TBC1D12: variants seen among roughly 807,000 people sequenced by gnomAD.
TBC1D12 encodes the protein TBC1 domain family member 12.
Under a neutral mutation model 86.7 loss-of-function variants are expected in TBC1D12, and 56 were observed. That is an observed-to-expected ratio of 0.65 (90% CI 0.52 to 0.81). TBC1D12 has a LOEUF of 0.81. TBC1D12 is among the 30% of genes least tolerant of loss of function. TBC1D12 has a pLI of 0.00. For missense variants in TBC1D12, 1,023 were observed against 1,038.8 expected, an observed-to-expected ratio of 0.98 and a Z score of 0.21; for synonymous variants, 421 against 411.7, an observed-to-expected ratio of 1.02 and a Z score of -0.27.
intron 3 of TBC1D12, among the ~76,000 whole-genome samples, chr10:94,477,057 CAG>C (rs761056863): frequency 5.9e-5 from 9 of 152,134 alleles, no homozygotes; most frequent in Non-Finnish European, 1.3e-4. Context: ...GAAAAGAACT[CAG>C]TGTACAAAAA....
At chr10:94,434,849 T>A (rs894703364) in intron 1 of TBC1D12, among the ~76,000 whole-genome samples, 1 of 152,174 alleles carries the variant, frequency 6.6e-6, no homozygotes, top group African/African-American at 2.4e-5. Context: ...CGAGCTCTTT[T>A]TATTTTGTCA....
chr10:94,496,863 T>G (rs1222997096), intron 4 of TBC1D12, among the ~76,000 whole-genome samples, 192 bp from the exon 5 acceptor site: 1 of 152,226 alleles, frequency 6.6e-6, no homozygotes, highest in Admixed American at 6.5e-5. Flanking sequence ...TAGAAAATTA[T>G]GTTAATCAAG....
At chr10:94,493,833 G>A (rs570132588) in intron 4 of TBC1D12, among the ~76,000 whole-genome samples, 1 of 152,074 alleles carries the variant, frequency 6.6e-6, no homozygotes, top group Non-Finnish European at 1.5e-5. Context: ...GACATACCAG[G>A]ATCATAGTTT....
At chr10:94,422,105 T>C (rs1474117012) in intron 1 of TBC1D12, among the ~76,000 whole-genome samples, 1 of 152,124 alleles carries the variant, frequency 6.6e-6, no homozygotes, top group Non-Finnish European at 1.5e-5. Flanking sequence ...GATGTGTATT[T>C]AGCTATCTGT....
chr10:94,532,195 T>G lies in TBC1D12; in HGVS notation c.2259+735T>G, dbSNP rs1589683778. 7.9e-5 allele frequency among the ~76,000 whole-genome samples: 12 copies of G among 151,910 alleles called. 3 individuals carry two copies. Among genetic ancestry groups the G allele is most frequent in the Admixed American group, 7.9e-4 (12 of 15,226 alleles). ...GCGCCTGGCCTATTTTATTTTATTTTGAGACGGAGTCTCACTCTGTCGCCC... is the reference window on the plus strand; with the variant it reads ...GCGCCTGGCCTATTTTATTTTATTTGGAGACGGAGTCTCACTCTGTCGCCC... On this transcript the variant is annotated intron_variant, in intron 12 of 12. Coordinates refer to ENST00000225235, the MANE Select transcript of TBC1D12 (RefSeq NM_015188.2).
intron 1 of TBC1D12, among the ~76,000 whole-genome samples, chr10:94,435,617 T>A (rs2055283039): frequency 6.6e-6 from 1 of 152,236 alleles, no homozygotes; most frequent in African/African-American, 2.4e-5. Flanking sequence ...TTTATGTGTG[T>A]TGGAATTTAT....
chr10:94,430,599 TG>T (rs1312450676), intron 1 of TBC1D12, among the ~76,000 whole-genome samples: 1 of 152,196 alleles, frequency 6.6e-6, no homozygotes. Flanking sequence ...TAGCTTTTTT[TG>T]TGTGTGATAA....
chr10:94,524,924 C>G (rs990668745), intron 11 of TBC1D12, among the ~76,000 whole-genome samples: 1 of 151,908 alleles, frequency 6.6e-6, no homozygotes, highest in Non-Finnish European at 1.5e-5. Flanking sequence ...CTCCTGGGCT[C>G]AAGCATTCCT....
chr10:94,484,365 A>G (rs1564970586), intron 3 of TBC1D12, among the ~76,000 whole-genome samples: 3 of 151,120 alleles, frequency 2.0e-5, no homozygotes, highest in Non-Finnish European at 4.4e-5. Context: ...CTCCTGCCTC[A>G]GCCTCCCAGC....
intron 1 of TBC1D12, among the ~76,000 whole-genome samples, chr10:94,437,345 A>G (rs1204218973): frequency 6.7e-6 from 1 of 149,140 alleles, no homozygotes; most frequent in Admixed American, 6.6e-5. Context: ...TTTTTTTTTG[A>G]GACAGAGTCT....
Position 94,498,829 on chromosome 10 carries a change from C to T in TBC1D12, c.1413-1392C>T, listed in dbSNP as rs543579244. 7.3e-5 allele frequency among the ~76,000 whole-genome samples: 11 copies of T among 151,074 alleles called. No individual in the cohort carries two copies. The South Asian group carries it at 2.1e-3, about 29-fold the overall frequency. Reference sequence around the variant, plus strand: ...TGTTGCCCAGGCTGGGGTGTAGTGGCGAGATCAAGGCTCACCGCAACCCCG... The same window carrying T: ...TGTTGCCCAGGCTGGGGTGTAGTGGTGAGATCAAGGCTCACCGCAACCCCG... On this transcript the variant is annotated intron_variant, in intron 5 of 12. Coordinates refer to ENST00000225235, the MANE Select transcript of TBC1D12 (RefSeq NM_015188.2).
At chr10:94,449,234 G>T (rs962896232) in intron 2 of TBC1D12, among the ~76,000 whole-genome samples, 9 of 152,102 alleles carry the variant, frequency 5.9e-5, no homozygotes, top group Admixed American at 1.3e-4. Flanking sequence ...TATATTAAAA[G>T]TTGTATTCAT....
chr10:94,498,523 A>G (rs1278002324), intron 5 of TBC1D12, among the ~76,000 whole-genome samples: 1 of 151,814 alleles, frequency 6.6e-6, no homozygotes, highest in African/African-American at 2.4e-5. Flanking sequence ...GCGCGATCTC[A>G]GCTCACTGCA....
chr10:94,516,115 G>A lies in TBC1D12; in HGVS notation c.1761+4461G>A, dbSNP rs149902201. Among the ~76,000 whole-genome samples the A allele has an allele frequency of 3.0e-3, 456 of 152,302 alleles. 3 individuals carry two copies. Among genetic ancestry groups the A allele is most frequent in the African/African-American group, 0.01 (429 of 41,552 alleles). On this transcript the variant is annotated intron_variant, in intron 9 of 12. Transcript: ENST00000225235. ...TTCAGAAAGCAAAACTGGGGAAAGTGGAGGACTACTGTATTTTATTTCATT... is the reference window on the plus strand; with the variant it reads ...TTCAGAAAGCAAAACTGGGGAAAGTAGAGGACTACTGTATTTTATTTCATT...
At chr10:94,487,766 C>T (rs1172617490) in intron 3 of TBC1D12, among the ~76,000 whole-genome samples, 8 of 144,974 alleles carry the variant, frequency 5.5e-5, no homozygotes, top group East Asian at 2.1e-4. Flanking sequence ...GTACAGTCAT[C>T]GCTGACTGTG....
In TBC1D12 at chr10:94,493,377, C is replaced by T. The variant is rs960119102; in HGVS notation, c.1224C>T (p.Ala408=). 6.2e-7 allele frequency: 1 copy of T among 1,609,686 alleles called. No homozygotes were observed. The highest frequency in any genetic ancestry group is 1.1e-5 in the South Asian group (1 of 89,434). The part of the protein sequence containing the change: ...ILEDRPSNLP[A]KSVEEALRHR... ...TTTTTTTTTCCAGAAATCTTCCTGCCAAATCTGTGGAAGAAGCTTTACGTC... is the reference window on the plus strand; with the variant it reads ...TTTTTTTTTCCAGAAATCTTCCTGCTAAATCTGTGGAAGAAGCTTTACGTC... The change falls in exon 4 of 13, where the codon GCC becomes GCT. Residue 408 remains alanine, a synonymous_variant. Coordinates refer to ENST00000225235, the MANE Select transcript of TBC1D12 (RefSeq NM_015188.2).
At position 94,490,873 on chromosome 10, in the gene TBC1D12, T is replaced by C. The variant is rs557872465; in HGVS notation, c.1212-2492T>C. 2.8e-3 allele frequency among the ~76,000 whole-genome samples: 428 copies of C among 152,246 alleles called. 1 individual carries two copies. Among genetic ancestry groups the C allele is most frequent in the Non-Finnish European group, 4.0e-3 (271 of 68,014 alleles). ...TTAAGAATGTCCTATTTTTTTTTTC[T>C]CTGGTGGTTCTTTCTCTGGCTGTAG... On this transcript the variant is annotated intron_variant, in intron 3 of 12. Coordinates refer to ENST00000225235, the MANE Select transcript of TBC1D12 (RefSeq NM_015188.2).
chr10:94,529,629 A>G (rs1402456727), intron 11 of TBC1D12, among the ~76,000 whole-genome samples: 1 of 151,986 alleles, frequency 6.6e-6, no homozygotes. Context: ...AAAAAAAATT[A>G]TTTTTCAATG....
intron 2 of TBC1D12, among the ~76,000 whole-genome samples, chr10:94,469,793 T>C (rs1372640875): frequency 6.6e-6 from 1 of 152,114 alleles, no homozygotes; most frequent in African/African-American, 2.4e-5. Context: ...TACTACTGTA[T>C]CCCCAAAATT....
Sources: gnomAD v4.1 joint callset for allele counts (sites outside exome capture counted in the v4.1 genomes callset) on GRCh38, gnomAD v4.1.1 for gene constraint, MANE v1.5 for transcripts, NCBI Gene and HGNC (gene_info 2026-07-23, HGNC 2026-07-21) for gene names.